USP38: variants seen among roughly 807,000 people sequenced by gnomAD.
The protein encoded by USP38 is ubiquitin specific peptidase 38.
In USP38, 49 loss-of-function variants were observed where a neutral mutation model predicts 94.3. The observed-to-expected ratio is 0.52, with a 90% confidence interval of 0.41 to 0.66. The LOEUF (loss-of-function observed/expected upper bound fraction) is 0.66. Ranked by LOEUF, USP38 falls within the 30% of genes least tolerant of loss-of-function variation. The pLI, the probability that USP38 is intolerant of heterozygous loss-of-function variation, is 0.00. For missense variants in USP38, 1,128 were observed against 1,229.4 expected (o/e 0.92, Z 1.23); for synonymous variants, 468 against 463.6 (o/e 1.01, Z -0.12).
chr4:143,210,860 A>C (rs1732004786), intron 7 of USP38, among the ~76,000 whole-genome samples: 1 of 151,946 alleles, frequency 6.6e-6, no homozygotes, highest in South Asian at 2.1e-4. Context: ...AAATGGAAAG[A>C]ATCTAGACAG....
At chr4:143,204,895 G>A (rs1050784630) in intron 5 of USP38, among the ~76,000 whole-genome samples, 5 of 152,036 alleles carry the variant, frequency 3.3e-5, no homozygotes, top group African/African-American at 1.2e-4. Context: ...CTGTATCTGA[G>A]GTGGATTAAA....
At chr4:143,198,396 C>T (rs1368417645) in intron 4 of USP38, among the ~76,000 whole-genome samples, 1 of 152,150 alleles carries the variant, frequency 6.6e-6, no homozygotes, top group Non-Finnish European at 1.5e-5. Context: ...TATTTGATTT[C>T]AATTATTTGA....
chr4:143,186,821 C>G (rs1222860984), intron 1 of USP38, among the ~76,000 whole-genome samples: 1 of 152,188 alleles, frequency 6.6e-6, no homozygotes, highest in Non-Finnish European at 1.5e-5. Flanking sequence ...CCTCTACCTT[C>G]GTTGTTCTGT....
At chr4:143,206,937 T>C (rs1454774631) in intron 6 of USP38, among the ~76,000 whole-genome samples, 2 of 152,204 alleles carry the variant, frequency 1.3e-5, no homozygotes, top group African/African-American at 4.8e-5. Flanking sequence ...TAAGTTCTGC[T>C]CCACCCCAGG....
At chr4:143,212,053 A>G (rs1732039718) in intron 7 of USP38, among the ~76,000 whole-genome samples, 3 of 152,046 alleles carry the variant, frequency 2.0e-5, no homozygotes, top group African/African-American at 2.4e-5. Context: ...GCCTTGTGCT[A>G]CTCATTTAGC....
intron 3 of USP38, among the ~76,000 whole-genome samples, chr4:143,197,028 G>T (rs1467697860): frequency 6.6e-6 from 1 of 151,964 alleles, no homozygotes; most frequent in East Asian, 1.9e-4. Flanking sequence ...TCCTGTCCTT[G>T]GTCCCCTGTA....
In USP38 at chr4:143,186,184, T is replaced by C. The variant is rs58547743; in HGVS notation, c.682+52T>C. 2.8e-3 allele frequency: 4,370 copies of C among 1,539,804 alleles called. 111 individuals are homozygous for C. In the African/African-American group the frequency reaches 0.053, roughly 19 times the overall value. ...CTCATAAAAAATCAGTATATGTCTC[T>C]CTTGCACACACACATTCACACCATG... On this transcript the variant is annotated intron_variant, in intron 1 of 9. Transcript: ENST00000307017.
Position 143,185,270 on chromosome 4 carries a change from C to G in USP38, c.-181C>G. The G allele has an allele frequency of 2.9e-6, 2 of 688,954 alleles. No individual in the cohort carries two copies. Among genetic ancestry groups the G allele is most frequent in the Non-Finnish European group, 4.7e-6 (2 of 426,078 alleles). The allele number at this position is 688,954 out of a possible 1,614,324, so 42.7% of individuals were successfully genotyped here. A position where few individuals can be genotyped will look rare whatever the true frequency, so the allele number is the denominator to read the frequency against. On this transcript the variant is annotated 5_prime_UTR_variant, in exon 1 of 10. Transcript: ENST00000307017. ...CTCTCCAGGCTCGCTAGCTCCCGCC[C>G]CGGCTTGGATGGGTCTCCCTGCGCC...
intron 6 of USP38, among the ~76,000 whole-genome samples, chr4:143,208,359 TAC>T (rs1290382427): frequency 6.6e-6 from 1 of 152,168 alleles, no homozygotes; most frequent in Admixed American, 6.5e-5. Flanking sequence ...CTTATACAGA[TAC>T]AGAGGATTTT....
chr4:143,188,361 CTT>C (rs932159393), intron 2 of USP38, among the ~76,000 whole-genome samples: 2 of 151,910 alleles, frequency 1.3e-5, no homozygotes, highest in African/African-American at 4.8e-5. Flanking sequence ...GTAATACACT[CTT>C]TGCCTTTGCC....
chr4:143,185,792 T>A lies in USP38; in HGVS notation c.342T>A (p.Ile114=). 6.2e-7 allele frequency: 1 copy of A among 1,614,186 alleles called. No homozygotes were observed. The highest frequency in any genetic ancestry group is 2.2e-5 in the East Asian group (1 of 44,870). ...LDYIHNGLKL[I]MSCPSVLDLF... ...ACATTCACAACGGCCTGAAGCTGATTATGAGCTGTCCGTCGGTGCTGGATC... is the reference window on the plus strand; with the variant it reads ...ACATTCACAACGGCCTGAAGCTGATAATGAGCTGTCCGTCGGTGCTGGATC... Residue 114 remains isoleucine, a synonymous_variant, in exon 1 of 10, where the codon ATT becomes ATA. Transcript: ENST00000307017.
chr4:143,215,310 CT>C (rs1732156105), intron 9 of USP38: 1 of 197,744 alleles, frequency 5.1e-6, no homozygotes, highest in African/African-American at 2.4e-5. Flanking sequence ...GCCCTCAAGA[CT>C]TTTGTGTAAA....
Position 143,222,585 on chromosome 4 carries a change from A to G in USP38, c.*2129A>G, listed in dbSNP as rs1472859487. On this transcript the variant is annotated 3_prime_UTR_variant, in exon 10 of 10. Coordinates refer to ENST00000307017, the MANE Select transcript of USP38 (RefSeq NM_032557.6). ...ATCTAAGGATACAGAGCCTGAGGAT[A>G]TGGAAAGCTGACTAAATATAGTAAC... The G allele has an allele frequency of 6.6e-6, 1 of 152,106 alleles. No individual in the cohort carries two copies. Among genetic ancestry groups the G allele is most frequent in the Non-Finnish European group, 1.5e-5 (1 of 67,954 alleles). 9.4% of individuals were successfully genotyped at this position (152,106 alleles called of 1,614,324 possible). A position where few individuals can be genotyped will look rare whatever the true frequency, so the allele number is the denominator to read the frequency against.
At chr4:143,220,145 T>C in intron 9 of USP38, 150 bp from the exon 10 acceptor site, 1 of 689,776 alleles carries the variant, frequency 1.4e-6, no homozygotes, top group African/African-American at 1.9e-5. Flanking sequence ...CTTAGAGAAA[T>C]TTTTTTTTCT....
At position 143,214,557 on chromosome 4, in the gene USP38, T is replaced by C; in HGVS notation, c.2581T>C (p.Tyr861His). The C allele has an allele frequency of 6.2e-7, 1 of 1,613,590 alleles. No individual in the cohort carries two copies. Among genetic ancestry groups the C allele is most frequent in the Non-Finnish European group, 8.5e-7 (1 of 1,179,798 alleles). Residue 861 changes from tyrosine to histidine, a missense_variant, in exon 9 of 10, where the codon TAT becomes CAT. Transcript: ENST00000307017. The part of the protein sequence containing the change: ...ISSESGHYYS[Y>H]ARNITSTDSS... ...CTCTGAAAGTGGGCATTACTATTCT[T>C]ATGCCAGGAATATCACAAGTACAGA...
At chr4:143,203,926 C>T (rs986096007) in intron 5 of USP38, among the ~76,000 whole-genome samples, 1 of 151,622 alleles carries the variant, frequency 6.6e-6, no homozygotes, top group African/African-American at 2.4e-5. Context: ...TCTTAGAATA[C>T]AGGAAATGGA....
intron 8 of USP38, among the ~76,000 whole-genome samples, chr4:143,213,301 T>C (rs895796466): frequency 3.3e-5 from 5 of 152,156 alleles, no homozygotes; most frequent in Admixed American, 6.6e-5. Context: ...CAGAGATATA[T>C]AAGACAGTTA....
intron 9 of USP38, among the ~76,000 whole-genome samples, chr4:143,217,612 C>T (rs965707401): frequency 3.9e-5 from 6 of 152,146 alleles, no homozygotes; most frequent in Non-Finnish European, 8.8e-5. Context: ...ACTTCATAAT[C>T]AGATTAGAAA....
intron 4 of USP38, among the ~76,000 whole-genome samples, chr4:143,202,488 C>T (rs950486165): frequency 6.6e-6 from 1 of 151,826 alleles, no homozygotes; most frequent in Non-Finnish European, 1.5e-5. Flanking sequence ...CAGAAGATAC[C>T]TTTTACCATA....
Sources: gnomAD v4.1 joint callset for allele counts (sites outside exome capture counted in the v4.1 genomes callset) on GRCh38, gnomAD v4.1.1 for gene constraint, MANE v1.5 for transcripts, NCBI Gene and HGNC (gene_info 2026-07-23, HGNC 2026-07-21) for gene names.